CLEC12A: variants seen among roughly 807,000 people sequenced by gnomAD.
The protein encoded by CLEC12A is C-type lectin protein CLL-1.
Under a neutral mutation model 26.5 loss-of-function variants are expected in CLEC12A, and 22 were observed. The observed-to-expected ratio is 0.83, with a 90% CI of 0.59 to 1.19. The LOEUF (loss-of-function observed/expected upper bound fraction) is 1.19, where lower values mean the gene tolerates loss of function less well. Among genes scored for constraint, CLEC12A ranks in the 50% most tolerant of loss-of-function variants. CLEC12A has a pLI of 0.00. For synonymous variants in CLEC12A, 119 were observed against 101.9 expected (o/e 1.17, Z -1.01); for missense variants, 353 against 315.6 (o/e 1.12, Z -0.90).
At chr12:9,964,559 T>C (rs1863896740) in intron 1 of CLEC12A, among the ~76,000 whole-genome samples, 1 of 152,134 alleles carries the variant, frequency 6.6e-6, no homozygotes, top group Non-Finnish European at 1.5e-5. Flanking sequence ...AAAGATTATC[T>C]ATCCCCTCTG....
chr12:9,967,846 G>A (rs1387337165), upstream of CLEC12A, among the ~76,000 whole-genome samples: 2 of 152,288 alleles, frequency 1.3e-5, no homozygotes, highest in South Asian at 2.1e-4. Flanking sequence ...AAGGACCAAG[G>A]CAGGTGTCCC....
chr12:9,964,136 A>G (rs1258306452), intron 1 of CLEC12A, among the ~76,000 whole-genome samples: 1 of 152,264 alleles, frequency 6.6e-6, no homozygotes, highest in Admixed American at 6.5e-5. Context: ...AGTTGATACA[A>G]GGAGAAAGGT....
At chr12:9,987,442 A>T (rs1302042749), downstream of CLEC12A, among the ~76,000 whole-genome samples, 1 of 152,166 alleles carries the variant, frequency 6.6e-6, no homozygotes, top group Non-Finnish European at 1.5e-5. Context: ...CAGCCCCAAT[A>T]AATGTGCCAC....
At chr12:10,001,212 G>C in the CLEC12A span, among the ~76,000 whole-genome samples, 36 of 152,138 alleles carry the variant, frequency 2.4e-4, no homozygotes, top group Non-Finnish European at 4.6e-4. Flanking sequence ...CATTCTCTAG[G>C]ACTTGAGCAG....
At chr12:9,961,722 T>TAA (rs5796375) in intron 1 of CLEC12A, among the ~76,000 whole-genome samples, 4 of 151,718 alleles carry the variant, frequency 2.6e-5, no homozygotes, top group South Asian at 4.1e-4. Flanking sequence ...TGTTATTTAA[T>TAA]AAAAAATTAT....
chr12:9,981,902 T>C (rs1452062723), intron 4 of CLEC12A, 118 bp from the exon 5 acceptor site: 5 of 549,804 alleles, frequency 9.1e-6, no homozygotes, highest in Non-Finnish European at 1.3e-5. Context: ...CATTTAATAG[T>C]AGTAGTGCAA....
At chr12:9,967,228 G>A (rs913739890), upstream of CLEC12A, among the ~76,000 whole-genome samples, 32 of 151,884 alleles carry the variant, frequency 2.1e-4, no homozygotes, top group African/African-American at 7.0e-4. Context: ...GGGGACAGGC[G>A]GGAGGGAAAG....
At chr12:9,961,868 C>T (rs1336229377) in intron 1 of CLEC12A, among the ~76,000 whole-genome samples, 1 of 152,158 alleles carries the variant, frequency 6.6e-6, no homozygotes, top group East Asian at 1.9e-4. Context: ...TTGCAGTGCC[C>T]TAGGATGGTG....
upstream of CLEC12A, among the ~76,000 whole-genome samples, chr12:9,970,953 C>G (rs1314526586): frequency 6.6e-6 from 1 of 152,176 alleles, no homozygotes; most frequent in Non-Finnish European, 1.5e-5. Flanking sequence ...TTTAGAGAAA[C>G]TAGGCATTCC....
At chr12:9,963,963 G>A (rs1396432230) in intron 1 of CLEC12A, among the ~76,000 whole-genome samples, 1 of 152,072 alleles carries the variant, frequency 6.6e-6, no homozygotes, top group African/African-American at 2.4e-5. Flanking sequence ...TATGGGGCTG[G>A]GTATAAGTAA....
At chr12:9,979,961 T>C (rs1864488337) in intron 3 of CLEC12A, among the ~76,000 whole-genome samples, 1 of 152,206 alleles carries the variant, frequency 6.6e-6, no homozygotes, top group African/African-American at 2.4e-5. Context: ...GGTCTTTTAG[T>C]GTCTCCATAA....
At chr12:9,988,882 T>TA (rs936855256), downstream of CLEC12A, among the ~76,000 whole-genome samples, 2 of 152,204 alleles carry the variant, frequency 1.3e-5, no homozygotes, top group Non-Finnish European at 2.9e-5. Flanking sequence ...CAAAGGATTA[T>TA]AAAACATGTT....
At chr12:9,996,396 G>A (rs552124889), downstream of CLEC12A, among the ~76,000 whole-genome samples, 14 of 152,216 alleles carry the variant, frequency 9.2e-5, no homozygotes, top group South Asian at 4.1e-4. Flanking sequence ...TATATGTCTC[G>A]AATTAATCTC....
downstream of CLEC12A, among the ~76,000 whole-genome samples, chr12:9,989,901 T>C (rs1232643052): frequency 6.6e-6 from 1 of 152,186 alleles, no homozygotes; most frequent in East Asian, 1.9e-4. Context: ...TCAAACGTCC[T>C]AGGGACCTTA....
At chr12:9,960,699 T>A (rs1279576144) in intron 1 of CLEC12A, among the ~76,000 whole-genome samples, 1 of 152,220 alleles carries the variant, frequency 6.6e-6, no homozygotes, top group African/African-American at 2.4e-5. Context: ...ACAGTTGTTT[T>A]TGTTTGTTTT....
the CLEC12A span, among the ~76,000 whole-genome samples, chr12:10,004,213 A>G: frequency 0.027 from 4,184 of 152,294 alleles, 126 homozygotes; most frequent in African/African-American, 0.06. Flanking sequence ...TAGCTCTGCC[A>G]TCTGCAGACA....
At chr12:9,991,159 T>C (rs1209386752) in intron 4 of CLEC12A, 2 of 152,166 alleles carry the variant, frequency 1.3e-5, no homozygotes, top group Non-Finnish European at 2.9e-5. Flanking sequence ...TGCCTGTAAG[T>C]TAGTTTTAAA....
At chr12:9,973,846 T>A (rs930390544) in intron 1 of CLEC12A, among the ~76,000 whole-genome samples, 5 of 147,992 alleles carry the variant, frequency 3.4e-5, no homozygotes, top group Admixed American at 2.7e-4. Flanking sequence ...CTCTTCCTTC[T>A]CTGCTTTTCC....
At chr12:9,969,171 T>C (rs1168479498), upstream of CLEC12A, among the ~76,000 whole-genome samples, 4 of 152,166 alleles carry the variant, frequency 2.6e-5, no homozygotes, top group Non-Finnish European at 4.4e-5. Context: ...AATTCTAGTA[T>C]TTGATAGTAC....
Sources: allele counts gnomAD v4.1 joint callset (sites outside exome capture counted in the v4.1 genomes callset), GRCh38; gene constraint gnomAD v4.1.1; transcripts MANE v1.5; gene names NCBI Gene and HGNC (gene_info 2026-07-23, HGNC 2026-07-21).